The following DNAH12 variants were observed in gnomAD, a reference collection of about 807,000 sequenced individuals.
DNAH12 encodes the protein axonemal beta dynein heavy chain 12.
Under a neutral mutation model 371.5 loss-of-function variants are expected in DNAH12, and 285 were observed. That is an observed-to-expected ratio of 0.77 (90% CI 0.70 to 0.85). DNAH12 has a LOEUF of 0.85. Among genes scored for constraint, DNAH12 ranks in the 40% least tolerant of loss-of-function variants. DNAH12 has a pLI of 0.00. For missense variants in DNAH12, 3,611 were observed against 3,689.4 expected, an observed-to-expected ratio of 0.98 and a Z score of 0.55; for synonymous variants, 1,200 against 1,213.0, an observed-to-expected ratio of 0.99 and a Z score of 0.22.
At chr3:57,525,652 T>G (rs1444018309) in intron 2 of DNAH12, among the ~76,000 whole-genome samples, 1 of 152,170 alleles carries the variant, frequency 6.6e-6, no homozygotes, top group Non-Finnish European at 1.5e-5. Flanking sequence ...ATTTATCCTT[T>G]GTGTTACAAA....
intron 47 of DNAH12, 102 bp from the exon 48 acceptor site, chr3:57,385,531 G>C (rs2063482847): frequency 6.6e-6 from 1 of 152,182 alleles, no homozygotes; most frequent in Non-Finnish European, 1.5e-5. Flanking sequence ...AAAAGTATTG[G>C]AGCAGAAAAT....
chr3:57,437,040 A>C lies in DNAH12; in HGVS notation c.4566T>G (p.His1522Gln), dbSNP rs1004625302. 8 of 1,519,430 alleles carry C rather than the reference A, an allele frequency of 5.3e-6. No individual in the cohort carries two copies. The highest frequency in any genetic ancestry group is 4.8e-5 in the Admixed American group (2 of 41,458). 94.1% of individuals were successfully genotyped at this position (1,519,430 alleles called of 1,614,324 possible). Residue 1522 changes from histidine to glutamine, a missense_variant, in exon 30 of 74, where the codon CAT becomes CAG. This residue lies in a region of DNAH12 where 2,266 missense variants were observed against 2,236.9 expected (regional missense o/e 1.01). Transcript: ENST00000495027. ...ADYHEFLECA[H>Q]EACNVHNLQP... ...GAAGATTATGTACATTGCAGGCTTC[A>C]TGAGCACATTCCAAAAATTCCTGAA...
rs552658360 is a variant in DNAH12 at position 57,299,727 on chromosome 3, A to C, written c.11394+2008T>G. On this transcript the variant is annotated intron_variant, in intron 70 of 73. Transcript: ENST00000495027. ...ATTTTTCTCTTTTTCTCTCATCGTG[A>C]ACCAGGAGAGCTGTCACCAGTAACC... 7.1e-4 allele frequency among the ~76,000 whole-genome samples: 108 copies of C among 152,272 alleles called. 1 individual carries two copies. Among genetic ancestry groups the C allele is most frequent in the African/African-American group, 2.4e-3 (99 of 41,546 alleles).
chr3:57,337,762 CAATACA>C (rs1238151355), intron 60 of DNAH12, among the ~76,000 whole-genome samples: 1 of 152,048 alleles, frequency 6.6e-6, no homozygotes, highest in Non-Finnish European at 1.5e-5. Context: ...AGGTACACCC[CAATACA>C]ACAACAGTTG....
intron 4 of DNAH12, chr3:57,519,959 T>A: frequency 1.2e-6 from 1 of 866,276 alleles, no homozygotes; most frequent in Non-Finnish European, 2.0e-6. Context: ...CCTGCGCTCC[T>A]GGAGTGAGAG....
chr3:57,519,294 C>G (rs1165176777), intron 4 of DNAH12, among the ~76,000 whole-genome samples: 1 of 152,022 alleles, frequency 6.6e-6, no homozygotes, highest in Non-Finnish European at 1.5e-5. Flanking sequence ...ACTGATCAAC[C>G]GTAAGCATGC....
chr3:57,459,463 T>A, intron 20 of DNAH12, 129 bp downstream of exon 20: 1 of 876,364 alleles, frequency 1.1e-6, no homozygotes, highest in East Asian at 3.0e-5. Context: ...TTCTTATATT[T>A]TTCTGAACTT....
chr3:57,326,556 G>A (rs1200099301), intron 62 of DNAH12, among the ~76,000 whole-genome samples: 6 of 152,156 alleles, frequency 3.9e-5, no homozygotes, highest in African/African-American at 1.4e-4. Context: ...GCTCCTGAAG[G>A]AAGCACTAAA....
At chr3:57,459,880 TA>T in intron 19 of DNAH12, 94 bp from the exon 20 acceptor site, 1 of 1,063,232 alleles carries the variant, frequency 9.4e-7, no homozygotes, top group Non-Finnish European at 1.2e-6. Context: ...CTATTATTTT[TA>T]AATAAGTGCA....
At chr3:57,342,843 C>T (rs6445870) in intron 60 of DNAH12, among the ~76,000 whole-genome samples, 11,322 of 151,972 alleles carry the variant, frequency 0.075, 1,378 homozygotes, top group African/African-American at 0.26. Flanking sequence ...GAGGCCAAGG[C>T]AGGTGGATCA....
chr3:57,369,441 C>CTAGGGA (rs1343025600), intron 55 of DNAH12, among the ~76,000 whole-genome samples: 1 of 150,804 alleles, frequency 6.6e-6, no homozygotes, highest in African/African-American at 2.4e-5. Flanking sequence ...CCAACAGCTT[C>CTAGGGA]TAGGGCTAGG....
intron 60 of DNAH12, among the ~76,000 whole-genome samples, chr3:57,337,302 G>T (rs1307331533): frequency 6.6e-6 from 1 of 151,738 alleles, no homozygotes; most frequent in Non-Finnish European, 1.5e-5. Flanking sequence ...GAGCCCAGGA[G>T]CTCCAGACCG....
intron 33 of DNAH12, 120 bp from the exon 34 acceptor site, chr3:57,428,941 C>G: frequency 3.0e-6 from 3 of 986,656 alleles, no homozygotes; most frequent in Non-Finnish European, 4.4e-6. Context: ...ATCTGCTTCA[C>G]ATAGCTTCAC....
At chr3:57,390,162 G>A (rs1482202384) in intron 45 of DNAH12, among the ~76,000 whole-genome samples, 1 of 147,592 alleles carries the variant, frequency 6.8e-6, no homozygotes, top group African/African-American at 2.4e-5. Context: ...TTAGGGCTGG[G>A]CACAATGGCT....
Position 57,478,415 on chromosome 3 carries a change from G to A in DNAH12, c.1650+4961C>T, listed in dbSNP as rs540440283. Among the ~76,000 whole-genome samples the A allele has an allele frequency of 2.6e-5, 4 of 152,252 alleles. No individual in the cohort carries two copies. In the South Asian group the frequency reaches 8.3e-4, roughly 32 times the overall value. On this transcript the variant is annotated intron_variant, in intron 13 of 73. Coordinates refer to ENST00000495027, the MANE Select transcript of DNAH12 (RefSeq NM_001366028.2). The stretch of plus-strand genomic sequence containing the variant: ...AATAAACAAAGTCTCCAAGAAATAT[G>A]GGACTATGTGAAAAGACCATATCTA...
At chr3:57,532,879 G>A (rs954062075) in intron 2 of DNAH12, among the ~76,000 whole-genome samples, 8 of 152,208 alleles carry the variant, frequency 5.3e-5, no homozygotes, top group Admixed American at 2.0e-4. Flanking sequence ...TCTACAATCA[G>A]CAGGTGGTGA....
chr3:57,360,648 T>C (rs976014963), intron 58 of DNAH12, among the ~76,000 whole-genome samples: 2 of 151,620 alleles, frequency 1.3e-5, no homozygotes, highest in African/African-American at 2.4e-5. Context: ...GATGGTGCCA[T>C]TGTACTATAG....
intron 60 of DNAH12, among the ~76,000 whole-genome samples, chr3:57,337,380 C>G (rs192490054): frequency 1.1e-4 from 17 of 152,256 alleles, no homozygotes; most frequent in Non-Finnish European, 2.4e-4. Context: ...AACTTTTCAG[C>G]TGGGCACGGT....
At chr3:57,337,542 C>T (rs1261876812) in intron 60 of DNAH12, among the ~76,000 whole-genome samples, 1 of 152,014 alleles carries the variant, frequency 6.6e-6, no homozygotes, top group Non-Finnish European at 1.5e-5. Context: ...GCCTGTAATC[C>T]CAGCTACTTG....
Sources: gnomAD v4.1 joint callset for allele counts (sites outside exome capture counted in the v4.1 genomes callset) on GRCh38, gnomAD v4.1.1 for gene constraint, gnomAD v4.1.1 regional missense constraint, MANE v1.5 for transcripts, NCBI Gene and HGNC (gene_info 2026-07-23, HGNC 2026-07-21) for gene names.